The following TXNDC15 variants were observed in gnomAD, a reference collection of about 807,000 sequenced individuals.
TXNDC15 encodes the protein thioredoxin domain-containing protein 15.
In TXNDC15, 24 loss-of-function variants were observed where a neutral mutation model predicts 35.0. The ratio of observed to expected loss-of-function variants is 0.68; its 90% CI spans 0.50 to 0.96. The LOEUF (loss-of-function observed/expected upper bound fraction) is 0.96. TXNDC15 is among the 40% of genes least tolerant of loss of function. The pLI, the probability that TXNDC15 is intolerant of heterozygous loss-of-function variation, is 0.00. For missense variants in TXNDC15, 385 were observed against 453.3 expected (o/e 0.85, Z 1.37); for synonymous variants, 169 against 174.0 (o/e 0.97, Z 0.23).
chr5:134,879,075 G>T (rs76968049), intron 1 of TXNDC15, among the ~76,000 whole-genome samples: 7,882 of 152,264 alleles, frequency 0.052, 286 homozygotes, highest in Admixed American at 0.11. Flanking sequence ...TTTTATTTTC[G>T]TGTGGAATAA....
chr5:134,882,701 G>C (rs888624537), intron 1 of TXNDC15, among the ~76,000 whole-genome samples: 16 of 152,156 alleles, frequency 1.1e-4, no homozygotes, highest in Non-Finnish European at 1.8e-4. Flanking sequence ...CCAGTCAGGC[G>C]TGGCGGCGCG....
At chr5:134,890,329 C>A (rs1442839108) in intron 2 of TXNDC15, among the ~76,000 whole-genome samples, 1 of 151,910 alleles carries the variant, frequency 6.6e-6, no homozygotes, top group African/African-American at 2.4e-5. Context: ...CATGCCTGGC[C>A]CACAGTTTCG....
At position 134,887,265 on chromosome 5, in the gene TXNDC15, A is replaced by G. The variant is rs143971218; in HGVS notation, c.104-430A>G. 2.5e-3 allele frequency among the ~76,000 whole-genome samples: 382 copies of G among 152,074 alleles called. 3 individuals are homozygous for G. Among genetic ancestry groups the G allele is most frequent in the Non-Finnish European group, 3.5e-3 (240 of 67,978 alleles). On this transcript the variant is annotated intron_variant, in intron 1 of 4. Coordinates refer to ENST00000358387, the MANE Select transcript of TXNDC15 (RefSeq NM_024715.4). Reference sequence around the variant, plus strand: ...AGTGGCGCAGTCTTGGCTCACTGCAACCTCCGCCTCCTAGGTTCCAGCAAT... The same window carrying G: ...AGTGGCGCAGTCTTGGCTCACTGCAGCCTCCGCCTCCTAGGTTCCAGCAAT...
chr5:134,899,459 C>T (rs1561902723), intron 4 of TXNDC15, 30 bp from the exon 5 acceptor site: 14 of 1,594,082 alleles, frequency 8.8e-6, no homozygotes, highest in Non-Finnish European at 1.2e-5. Context: ...CTTTTTCTGC[C>T]TGATTTGAAA....
At position 134,874,424 on chromosome 5, in the gene TXNDC15, G is replaced by T; in HGVS notation, c.-4G>T. On this transcript the variant is annotated 5_prime_UTR_variant, in exon 1 of 5. Coordinates refer to ENST00000358387, the MANE Select transcript of TXNDC15 (RefSeq NM_024715.4). Reference sequence around the variant, plus strand: ...CGTGCGCCGATTGCCTCTCGGCCTGGGCAATGGTCCCGGCTGCCGGTCGAC... The same window carrying T: ...CGTGCGCCGATTGCCTCTCGGCCTGTGCAATGGTCCCGGCTGCCGGTCGAC... 1 of 1,596,770 alleles carries T rather than the reference G, an allele frequency of 6.3e-7. No homozygotes were observed.
intron 1 of TXNDC15, among the ~76,000 whole-genome samples, chr5:134,877,112 C>T (rs542495043): frequency 6.6e-6 from 1 of 152,292 alleles, no homozygotes; most frequent in South Asian, 2.1e-4. Context: ...CCACCCTGGT[C>T]TGAGGGTCAG....
At chr5:134,882,203 C>T (rs964193877) in intron 1 of TXNDC15, among the ~76,000 whole-genome samples, 16 of 149,848 alleles carry the variant, frequency 1.1e-4, no homozygotes, top group Non-Finnish European at 1.5e-4. Context: ...ACATCCCGGA[C>T]GGGGCGACAG....
intron 1 of TXNDC15, among the ~76,000 whole-genome samples, chr5:134,879,955 C>T (rs1750109790): frequency 6.6e-6 from 1 of 152,160 alleles, no homozygotes; most frequent in Non-Finnish European, 1.5e-5. Context: ...GCCGCCACAT[C>T]TGGCTAATTT....
intron 4 of TXNDC15, 33 bp downstream of exon 4, chr5:134,896,457 A>G: frequency 6.2e-7 from 1 of 1,610,758 alleles, no homozygotes; most frequent in Non-Finnish European, 8.5e-7. Flanking sequence ...GGAAGAAGAT[A>G]TTCTATTGCT....
At chr5:134,895,597 C>G (rs1750473940) in intron 3 of TXNDC15, among the ~76,000 whole-genome samples, 3 of 151,892 alleles carry the variant, frequency 2.0e-5, no homozygotes, top group Admixed American at 2.0e-4. Flanking sequence ...AGCATGTGTA[C>G]AAAAGAAAAA....
chr5:134,879,542 T>C (rs1024227560), intron 1 of TXNDC15, among the ~76,000 whole-genome samples: 1 of 152,122 alleles, frequency 6.6e-6, no homozygotes, highest in Non-Finnish European at 1.5e-5. Context: ...TGTGTGTTTG[T>C]TTTTTCTTCT....
Position 134,899,552 on chromosome 5 carries a change from CT to C in TXNDC15, c.953del (p.Leu318Ter). The C allele has an allele frequency of 6.2e-7, 1 of 1,614,038 alleles. No homozygotes were observed. Among genetic ancestry groups the C allele is most frequent in the Non-Finnish European group, 8.5e-7 (1 of 1,180,012 alleles). On this transcript the variant is annotated frameshift_variant, in exon 5 of 5. Coordinates refer to ENST00000358387, the MANE Select transcript of TXNDC15 (RefSeq NM_024715.4). LOFTEE classifies it high-confidence loss of function. Reference sequence around the variant, plus strand: ...GACCAAATAGGCCCTCTTCCCAGCACTTTGATAAAAAGTGTGGACTGGTTGC... The same window carrying C: ...GACCAAATAGGCCCTCTTCCCAGCACTTGATAAAAAGTGTGGACTGGTTGC... ...QADQIGPLPS[T>X]LIKSVDWLLV...
At chr5:134,898,768 C>G (rs1283426117) in intron 4 of TXNDC15, among the ~76,000 whole-genome samples, 1 of 152,120 alleles carries the variant, frequency 6.6e-6, no homozygotes, top group Non-Finnish European at 1.5e-5. Flanking sequence ...ACAGTTCTTT[C>G]AGTAAATTAT....
rs1200795402 is a variant in TXNDC15 at position 134,886,541 on chromosome 5, TA to T, written c.104-1153del. ...TGGGACTCTTCCCTTATCTGAGCATTATGCTCAAGACCCACCTTCTAGCTCC... is the reference window on the plus strand; with the variant it reads ...TGGGACTCTTCCCTTATCTGAGCATTTGCTCAAGACCCACCTTCTAGCTCC... On this transcript the variant is annotated intron_variant, in intron 1 of 4. Transcript: ENST00000358387. Among the ~76,000 whole-genome samples the T allele has an allele frequency of 2.0e-5, 3 of 152,228 alleles. No individual in the cohort carries two copies. The East Asian group carries it at 5.8e-4, about 29-fold the overall frequency.
intron 1 of TXNDC15, among the ~76,000 whole-genome samples, chr5:134,882,826 C>A (rs1186723211): frequency 6.6e-6 from 1 of 151,550 alleles, no homozygotes; most frequent in Non-Finnish European, 1.5e-5. Flanking sequence ...AGAGGGAGAC[C>A]GTGGAAAGAG....
rs139981194 is a variant in TXNDC15 at position 134,895,039 on chromosome 5, A to T, written c.756-1255A>T. On this transcript the variant is annotated intron_variant, in intron 3 of 4. Coordinates refer to ENST00000358387, the MANE Select transcript of TXNDC15 (RefSeq NM_024715.4). Reference sequence around the variant, plus strand: ...AAAAAATACAAAAAATTGACTGAGGATGGTGGCACATACCTGTGGTACCCC... The same window carrying T: ...AAAAAATACAAAAAATTGACTGAGGTTGGTGGCACATACCTGTGGTACCCC... Among the ~76,000 whole-genome samples, 584 of 152,030 alleles carry T rather than the reference A, an allele frequency of 3.8e-3. 3 individuals carry two copies. The highest frequency in any genetic ancestry group is 0.031 in the Middle Eastern group (9 of 294).
intron 2 of TXNDC15, among the ~76,000 whole-genome samples, chr5:134,890,587 T>TAC (rs1334939880): frequency 6.6e-6 from 1 of 152,132 alleles, no homozygotes; most frequent in East Asian, 1.9e-4. Flanking sequence ...TTTTTGTATT[T>TAC]TTAGTAGAGA....
intron 4 of TXNDC15, among the ~76,000 whole-genome samples, chr5:134,898,671 T>G (rs528010505): frequency 6.6e-6 from 1 of 152,350 alleles, no homozygotes; most frequent in African/African-American, 2.4e-5. Context: ...GCCATTTTAT[T>G]CAGTGCTCTA....
At chr5:134,877,819 G>T (rs1386737293) in intron 1 of TXNDC15, among the ~76,000 whole-genome samples, 2 of 149,644 alleles carry the variant, frequency 1.3e-5, no homozygotes, top group Admixed American at 6.7e-5. Flanking sequence ...TTGTTGCTCA[G>T]GCTGGAGCAA....
Sources: allele counts gnomAD v4.1 joint callset (sites outside exome capture counted in the v4.1 genomes callset), GRCh38; gene constraint gnomAD v4.1.1; transcripts MANE v1.5; gene names NCBI Gene and HGNC (gene_info 2026-07-23, HGNC 2026-07-21).